GPR161: variants seen among roughly 807,000 people sequenced by gnomAD.
GPR161 encodes the protein G-protein coupled receptor RE2.
GPR161 carries 25 observed loss-of-function variants against 39.2 expected under a neutral mutation model. That is an observed-to-expected ratio of 0.64 (90% CI 0.47 to 0.89). GPR161 has a LOEUF of 0.89. GPR161 is among the 40% of genes least tolerant of loss of function. GPR161 has a pLI of 0.00. For missense variants in GPR161, 547 were observed against 677.8 expected (o/e 0.81, Z 2.14); for synonymous variants, 286 against 276.6 (o/e 1.03, Z -0.34).
intron 1 of GPR161, among the ~76,000 whole-genome samples, chr1:168,118,394 T>C (rs1413020972): frequency 6.6e-6 from 1 of 150,558 alleles, no homozygotes; most frequent in East Asian, 1.9e-4. Context: ...CACTAAATAA[T>C]GTATACACAG....
rs557607750 is a variant in GPR161, at chr1:168,084,853, A to G, written c.*678T>C. ...GTGGTTTCTCCCTTTTGAAATACCA[A>G]AGAACTTGTCAGTAGGGAAGTAGGC... On this transcript the variant is annotated 3_prime_UTR_variant, in exon 6 of 6. Coordinates refer to ENST00000682931, the MANE Select transcript of GPR161 (RefSeq NM_001375883.1). 4 of 456,232 alleles carry G rather than the reference A, an allele frequency of 8.8e-6. No individual in the cohort carries two copies. The highest frequency in any genetic ancestry group is 6.2e-5 in the South Asian group (4 of 64,558). The allele number at this position is 456,232 out of a possible 1,614,324, so 28.3% of individuals were successfully genotyped here.
At chr1:168,111,580 T>C (rs1474227260) in intron 1 of GPR161, among the ~76,000 whole-genome samples, 2 of 152,258 alleles carry the variant, frequency 1.3e-5, no homozygotes, top group Non-Finnish European at 2.9e-5. Flanking sequence ...GCCAACATGC[T>C]GAGCATGGCT....
chr1:168,096,814 G>A lies in GPR161; in HGVS notation c.793C>T (p.Gln265Ter). Residue 265 changes from glutamine to a stop codon, truncating the protein, a stop_gained, in exon 3 of 6, where the codon CAG (glutamine) becomes TAG (stop). Transcript: ENST00000682931. LOFTEE classifies it high-confidence loss of function. ...AFQGVVYSAN[Q>*]CKALITILVV... ...AGGATGGTGATGAGGGCTTTGCACT[G>A]GTTGGCCGAGTAGACCACACCCTGA... The A allele has an allele frequency of 6.2e-7, 1 of 1,614,102 alleles. No homozygotes were observed. The highest frequency in any genetic ancestry group is 8.5e-7 in the Non-Finnish European group (1 of 1,180,006).
intron 3 of GPR161, among the ~76,000 whole-genome samples, chr1:168,091,721 A>C (rs1695083637): frequency 6.6e-6 from 1 of 152,196 alleles, no homozygotes; most frequent in Non-Finnish European, 1.5e-5. Context: ...AGAGAGCAAA[A>C]AATATTACAA....
At chr1:168,106,102 T>G (rs1178795584) in intron 1 of GPR161, among the ~76,000 whole-genome samples, 1 of 152,188 alleles carries the variant, frequency 6.6e-6, no homozygotes, top group Non-Finnish European at 1.5e-5. Context: ...AGCTGTATAG[T>G]GGTTTCCAGA....
At chr1:168,120,005 G>A (rs1407026640) in intron 1 of GPR161, among the ~76,000 whole-genome samples, 1 of 152,234 alleles carries the variant, frequency 6.6e-6, no homozygotes, top group Non-Finnish European at 1.5e-5. Context: ...GAAATGTGGG[G>A]TTGGAGCCCC....
At chr1:168,107,385 C>T (rs2102182355) in intron 1 of GPR161, among the ~76,000 whole-genome samples, 1 of 152,282 alleles carries the variant, frequency 6.6e-6, no homozygotes, top group South Asian at 2.1e-4. Context: ...GAGGGCTCTG[C>T]TCTCGTGAAT....
chr1:168,135,531 C>T (rs1011631321), intron 1 of GPR161, among the ~76,000 whole-genome samples: 7 of 152,234 alleles, frequency 4.6e-5, no homozygotes, highest in Admixed American at 2.0e-4. Context: ...CCTCTTTCTG[C>T]CCTGAGGGCC....
chr1:168,085,626 A>G lies in GPR161; in HGVS notation c.1495T>C (p.Phe499Leu), dbSNP rs1192970963. Residue 499 changes from phenylalanine (F) to leucine (L), a missense_variant, in exon 6 of 6, where the codon TTC (phenylalanine) becomes CTC (leucine). Physicochemically the swap from Phe to Leu is conservative, Grantham distance 22. Coordinates refer to ENST00000682931, the MANE Select transcript of GPR161 (RefSeq NM_001375883.1). The part of the protein sequence containing the change: ...VTARTVPGGG[F>L]GGRRGSRTLV... ...GTTCTGCTGCCTCGGCGGCCCCCGA[A>G]GCCGCCCCCCGGGACAGTCCGTGCT... The G allele has an allele frequency of 1.2e-6, 2 of 1,613,842 alleles. No individual in the cohort carries two copies. The highest frequency in any genetic ancestry group is 1.1e-5 in the South Asian group (1 of 91,092).
intron 1 of GPR161, 34 bp downstream of exon 1, chr1:168,136,704 CG>C (rs1699407701): frequency 9.4e-7 from 1 of 1,058,226 alleles, no homozygotes; most frequent in East Asian, 6.6e-5. Context: ...CCTCTCCGCC[CG>C]GGCCCGCGCC....
chr1:168,122,153 G>A (rs1698226364), intron 1 of GPR161, among the ~76,000 whole-genome samples: 2 of 152,144 alleles, frequency 1.3e-5, no homozygotes, highest in Non-Finnish European at 2.9e-5. Flanking sequence ...CACCTCTCAA[G>A]CTGCTCTTCC....
intron 1 of GPR161, among the ~76,000 whole-genome samples, chr1:168,105,488 C>T (rs908678044): frequency 6.6e-6 from 1 of 152,238 alleles, no homozygotes. Context: ...CACCGCCAGT[C>T]AGTTTTGGTG....
intron 4 of GPR161, 135 bp downstream of exon 4, chr1:168,090,429 G>T: frequency 1.8e-6 from 1 of 547,498 alleles, no homozygotes; most frequent in Non-Finnish European, 3.3e-6. Flanking sequence ...CCAGACTTAT[G>T]ATTCTCACCC....
chr1:168,102,839 CAA>C (rs11383567), intron 2 of GPR161, among the ~76,000 whole-genome samples: 13 of 135,068 alleles, frequency 9.6e-5, no homozygotes, highest in Admixed American at 1.4e-4. Flanking sequence ...CTTAATAATT[CAA>C]AAAAAAAAAA....
intron 1 of GPR161, among the ~76,000 whole-genome samples, chr1:168,126,780 G>A (rs1356424203): frequency 1.3e-5 from 2 of 152,150 alleles, no homozygotes; most frequent in East Asian, 3.9e-4. Flanking sequence ...TTTTAGGTGA[G>A]GATGTTTTCC....
chr1:168,117,534 C>T (rs1015549288), intron 1 of GPR161, among the ~76,000 whole-genome samples: 2 of 152,114 alleles, frequency 1.3e-5, no homozygotes, highest in Non-Finnish European at 2.9e-5. Context: ...ATCTGTAAAA[C>T]AGGGATAATA....
chr1:168,087,567 T>A lies in GPR161; in HGVS notation c.1324+18A>T. 6.2e-7 allele frequency: 1 copy of A among 1,613,822 alleles called. No individual in the cohort carries two copies. The highest frequency in any genetic ancestry group is 1.1e-5 in the South Asian group (1 of 91,070). On this transcript the variant is annotated intron_variant, in intron 5 of 5. Coordinates refer to ENST00000682931, the MANE Select transcript of GPR161 (RefSeq NM_001375883.1). ...GTTTCCCTATGTTTTCTTGAAGCAA[T>A]CAGTCACAGAAGCCAACCTTTGATT...
chr1:168,083,373 G>C lies in GPR161; in HGVS notation c.*2158C>G, dbSNP rs1694207250. The C allele has an allele frequency of 6.6e-6, 1 of 152,314 alleles. No homozygotes were observed. The highest frequency in any genetic ancestry group is 3.4e-3 in the Middle Eastern group (1 of 294). The allele number at this position is 152,314 out of a possible 1,614,324, so 9.4% of individuals were successfully genotyped here. Reference sequence around the variant, plus strand: ...GGGCTGTCTCAGGATTCTTTCCCTAGAGCCCAGTCTAGTACAGTCAGGGGA... The same window carrying C: ...GGGCTGTCTCAGGATTCTTTCCCTACAGCCCAGTCTAGTACAGTCAGGGGA... On this transcript the variant is annotated 3_prime_UTR_variant, in exon 6 of 6. Coordinates refer to ENST00000682931, the MANE Select transcript of GPR161 (RefSeq NM_001375883.1).
chr1:168,104,533 G>A lies in GPR161; in HGVS notation c.318C>T (p.Leu106=). 1 of 1,614,126 alleles carries A rather than the reference G, an allele frequency of 6.2e-7. No homozygotes were observed. Among genetic ancestry groups the A allele is most frequent in the Non-Finnish European group, 8.5e-7 (1 of 1,179,990 alleles). ...TGCTGGCAGAGCTGATCAGCAGGTA[G>A]AGGAGGGCAGAGAAGTTGCACCACA... ...GVVWCNFSAL[L]YLLISSASML... is the part of the protein sequence containing the mutation. The change falls in exon 2 of 6, where the codon CTC becomes CTT. Residue 106 remains leucine (L), a synonymous_variant. Transcript: ENST00000682931.
Sources: allele counts gnomAD v4.1 joint callset (sites outside exome capture counted in the v4.1 genomes callset), GRCh38; gene constraint gnomAD v4.1.1; transcripts MANE v1.5; gene names NCBI Gene and HGNC (gene_info 2026-07-23, HGNC 2026-07-21).